The following TIMMDC1 variants were observed in gnomAD, a reference collection of about 807,000 sequenced individuals.
TIMMDC1 encodes translocase of inner mitochondrial membrane domain containing 1, also known as complex I assembly factor TIMMDC1, mitochondrial.
Under a neutral mutation model 32.6 loss-of-function variants are expected in TIMMDC1, and 25 were observed. The observed-to-expected ratio is 0.77, with a 90% CI of 0.56 to 1.07. The LOEUF (loss-of-function observed/expected upper bound fraction) is 1.07, where lower values mean the gene tolerates loss of function less well. Ranked by LOEUF, TIMMDC1 falls within the 50% of genes least tolerant of loss-of-function variation. TIMMDC1 has a pLI of 0.00. For missense variants in TIMMDC1, 329 were observed against 349.2 expected (o/e 0.94, Z 0.46); for synonymous variants, 130 against 127.6 (o/e 1.02, Z -0.13).
intron 5 of TIMMDC1, among the ~76,000 whole-genome samples, chr3:119,516,310 T>G (rs1262712176): frequency 6.6e-6 from 1 of 152,226 alleles, no homozygotes; most frequent in Non-Finnish European, 1.5e-5. Flanking sequence ...AGATTTTGAC[T>G]ACTTTAGATA....
intron 5 of TIMMDC1, among the ~76,000 whole-genome samples, chr3:119,515,132 G>A (rs1377210240): frequency 6.6e-6 from 1 of 150,570 alleles, no homozygotes; most frequent in South Asian, 2.1e-4. Context: ...CCTTCACCTA[G>A]GCAGAGGCAG....
rs764976722 is a variant in TIMMDC1, at chr3:119,503,948, T to TA, written c.450-5dup. 9.9e-6 allele frequency: 16 copies of TA among 1,611,710 alleles called. No homozygotes were observed. Among genetic ancestry groups the TA allele is most frequent in the Non-Finnish European group, 1.4e-5 (16 of 1,178,290 alleles). On this transcript the variant is annotated splice_region_variant and splice_polypyrimidine_tract_variant and intron_variant, in intron 3 of 6. Transcript: ENST00000494664. ...TTATATTTTCCTTCTCCTCCCTTTT[T>TA]ACCAGCACAGTGAACACTAGTCTGA...
intron 2 of TIMMDC1, 33 bp from the exon 3 acceptor site, chr3:119,503,499 C>T (rs1318861016): frequency 6.5e-7 from 1 of 1,540,810 alleles, no homozygotes; most frequent in Non-Finnish European, 8.8e-7. Flanking sequence ...ATGATGGTGT[C>T]TTAGAACCTC....
At chr3:119,510,084 G>C (rs1373029759) in intron 4 of TIMMDC1, among the ~76,000 whole-genome samples, 1 of 152,056 alleles carries the variant, frequency 6.6e-6, no homozygotes, top group Non-Finnish European at 1.5e-5. Context: ...TATTAACACA[G>C]AAGGGGAAAA....
At chr3:119,503,033 T>G (rs1460954369) in intron 2 of TIMMDC1, among the ~76,000 whole-genome samples, 2 of 152,230 alleles carry the variant, frequency 1.3e-5, no homozygotes, top group Admixed American at 1.3e-4. Flanking sequence ...TATAATTTAT[T>G]TCTATCAGTA....
At position 119,524,001 on chromosome 3, in the gene TIMMDC1, C is replaced by T. The variant is rs1312458078; in HGVS notation, c.*245C>T. 4 of 317,770 alleles carry T rather than the reference C, an allele frequency of 1.3e-5. No individual in the cohort carries two copies. The highest frequency in any genetic ancestry group is 2.3e-5 in the Non-Finnish European group (4 of 174,406). 19.7% of individuals were successfully genotyped at this position (317,770 alleles called of 1,614,324 possible). ...GTTTGTATTAATCTATCAATATATGCATACATGAATATATCCACCCACCTA... is the reference window on the plus strand; with the variant it reads ...GTTTGTATTAATCTATCAATATATGTATACATGAATATATCCACCCACCTA... On this transcript the variant is annotated 3_prime_UTR_variant, in exon 7 of 7. Transcript: ENST00000494664.
At chr3:119,521,446 C>T (rs1489902931) in intron 6 of TIMMDC1, among the ~76,000 whole-genome samples, 2 of 152,164 alleles carry the variant, frequency 1.3e-5, no homozygotes, top group African/African-American at 4.8e-5. Context: ...GCGTGGGAGG[C>T]TGAGGCAGGA....
chr3:119,512,633 C>CT (rs1245492933), intron 4 of TIMMDC1, among the ~76,000 whole-genome samples: 1 of 152,046 alleles, frequency 6.6e-6, no homozygotes, highest in Non-Finnish European at 1.5e-5. Context: ...GAAAAAAAGA[C>CT]TAACTTATTA....
At chr3:119,499,035 T>C (rs1560044191) in intron 1 of TIMMDC1, 108 bp downstream of exon 1, 1 of 833,850 alleles carries the variant, frequency 1.2e-6, no homozygotes, top group African/African-American at 1.7e-5. Context: ...GTGCTTCATT[T>C]TTAGATTATA....
intron 4 of TIMMDC1, among the ~76,000 whole-genome samples, chr3:119,512,382 G>A (rs567028740): frequency 6.6e-6 from 1 of 152,314 alleles, no homozygotes; most frequent in South Asian, 2.1e-4. Context: ...GGGTTCAAGT[G>A]ATTCTCCTGC....
Position 119,504,121 on chromosome 3 carries a change from C to G in TIMMDC1, c.517+100C>G, listed in dbSNP as rs1009189184. On this transcript the variant is annotated intron_variant, in intron 4 of 6. Transcript: ENST00000494664. ...AACTACTGAATTCTTTGGTTGGCTTCCCATTACATCTCATCAACATTGATG... is the reference window on the plus strand; with the variant it reads ...AACTACTGAATTCTTTGGTTGGCTTGCCATTACATCTCATCAACATTGATG... 10 of 847,924 alleles carry G rather than the reference C, an allele frequency of 1.2e-5. No homozygotes were observed. In the African/African-American group the frequency reaches 1.3e-4, roughly 11 times the overall value. 52.5% of individuals were successfully genotyped at this position (847,924 alleles called of 1,614,324 possible). A position where few individuals can be genotyped will look rare whatever the true frequency, so the allele number is the denominator to read the frequency against.
At chr3:119,499,718 C>T (rs2081855375) in intron 1 of TIMMDC1, among the ~76,000 whole-genome samples, 1 of 152,140 alleles carries the variant, frequency 6.6e-6, no homozygotes, top group African/African-American at 2.4e-5. Flanking sequence ...GGCTGGACTG[C>T]GCCCGGCCTA....
At chr3:119,518,952 C>T (rs1680141661) in intron 6 of TIMMDC1, among the ~76,000 whole-genome samples, 1 of 152,132 alleles carries the variant, frequency 6.6e-6, no homozygotes, top group South Asian at 2.1e-4. Context: ...GCTATTTTTC[C>T]AAAATGAAGG....
At chr3:119,504,049 G>A in intron 4 of TIMMDC1, 28 bp downstream of exon 4, 1 of 1,549,450 alleles carries the variant, frequency 6.5e-7, no homozygotes, top group South Asian at 1.1e-5. Flanking sequence ...ATATTTTTCA[G>A]TCTTCTCAAA....
chr3:119,518,746 C>T (rs146383844), intron 6 of TIMMDC1, among the ~76,000 whole-genome samples: 1 of 152,208 alleles, frequency 6.6e-6, no homozygotes, highest in Non-Finnish European at 1.5e-5. Context: ...CCACGTGCAC[C>T]CCCTGAAGAC....
intron 6 of TIMMDC1, among the ~76,000 whole-genome samples, chr3:119,522,267 G>C (rs1469673223): frequency 6.6e-6 from 1 of 152,176 alleles, no homozygotes; most frequent in Non-Finnish European, 1.5e-5. Context: ...ACATGGATGA[G>C]CCTGGAGGAC....
In TIMMDC1 at chr3:119,513,510, A is replaced by G. The variant is rs1025227259; in HGVS notation, c.518-131A>G. 90 of 664,252 alleles carry G rather than the reference A, an allele frequency of 1.4e-4. No individual in the cohort carries two copies. In the African/African-American group the frequency reaches 1.6e-3, roughly 12 times the overall value. 41.1% of individuals were successfully genotyped at this position (664,252 alleles called of 1,614,324 possible). On this transcript the variant is annotated intron_variant, in intron 4 of 6. Coordinates refer to ENST00000494664, the MANE Select transcript of TIMMDC1 (RefSeq NM_016589.4). The stretch of plus-strand genomic sequence containing the variant: ...TTGGCATTTTAGATTCAGGAAGTAT[A>G]GGCTGTAGTAGTATATTAACATTGG...
intron 4 of TIMMDC1, among the ~76,000 whole-genome samples, chr3:119,508,632 A>G (rs936229764): frequency 2.6e-5 from 4 of 152,248 alleles, no homozygotes; most frequent in African/African-American, 9.6e-5. Context: ...ATGCAAGCTC[A>G]GGCCTACATG....
chr3:119,520,911 G>A (rs1048504754), intron 6 of TIMMDC1, among the ~76,000 whole-genome samples: 4 of 152,064 alleles, frequency 2.6e-5, no homozygotes, highest in African/African-American at 9.7e-5. Context: ...TTTATCCTAG[G>A]GATGCAAGGA....
Sources: gnomAD v4.1 joint callset for allele counts (sites outside exome capture counted in the v4.1 genomes callset) on GRCh38, gnomAD v4.1.1 for gene constraint, MANE v1.5 for transcripts, NCBI Gene and HGNC (gene_info 2026-07-23, HGNC 2026-07-21) for gene names.